Variants in NRG1 observed in about 807,000 individuals in gnomAD.
NRG1 encodes the protein pro-neuregulin-1, membrane-bound isoform.
Under a neutral mutation model 63.8 loss-of-function variants are expected in NRG1, and 18 were observed. The ratio of observed to expected loss-of-function variants is 0.28; its 90% CI spans 0.19 to 0.42. NRG1 has a LOEUF of 0.42. Ranked by LOEUF, NRG1 falls within the 10% of genes least tolerant of loss-of-function variation. The pLI is 1.00. For missense variants in NRG1, 762 were observed against 814.7 expected (o/e 0.94, Z 0.79); for synonymous variants, 302 against 301.3 (o/e 1.00, Z -0.02).
intron 1 of NRG1, among the ~76,000 whole-genome samples, chr8:32,585,048 G>C (rs1250408276): frequency 6.6e-6 from 1 of 152,098 alleles, no homozygotes; most frequent in African/African-American, 2.4e-5. Context: ...ATGTTAATGT[G>C]CTAACTTTAC....
At chr8:32,158,232 C>G (rs1172142918) in intron 1 of NRG1, among the ~76,000 whole-genome samples, 7 of 151,802 alleles carry the variant, frequency 4.6e-5, no homozygotes, top group Non-Finnish European at 8.8e-5. Flanking sequence ...GTTACCCCTT[C>G]ACAACTAGGG....
intron 1 of NRG1, among the ~76,000 whole-genome samples, chr8:32,348,860 G>A (rs1399277814): frequency 6.6e-6 from 1 of 152,166 alleles, no homozygotes; most frequent in Non-Finnish European, 1.5e-5. Context: ...TTCTGAAGGT[G>A]ATTCATATGG....
intron 1 of NRG1, among the ~76,000 whole-genome samples, chr8:32,062,950 T>C (rs1160092437): frequency 6.6e-6 from 1 of 152,092 alleles, no homozygotes; most frequent in Non-Finnish European, 1.5e-5. Context: ...TTTCCTTATT[T>C]AATATCTGGA....
chr8:32,459,105 C>CAT (rs1392724419), intron 1 of NRG1, among the ~76,000 whole-genome samples: 1 of 152,212 alleles, frequency 6.6e-6, no homozygotes, highest in East Asian at 1.9e-4. Flanking sequence ...CTGACTTCTG[C>CAT]ATATGGCTGT....
chr8:31,880,607 C>T (rs1286806212), intron 1 of NRG1, among the ~76,000 whole-genome samples: 2 of 152,164 alleles, frequency 1.3e-5, no homozygotes, highest in Non-Finnish European at 2.9e-5. Context: ...TTCAATAAAA[C>T]AGACTATTAC....
At chr8:32,508,800 A>G (rs892742299) in intron 1 of NRG1, among the ~76,000 whole-genome samples, 2 of 151,718 alleles carry the variant, frequency 1.3e-5, no homozygotes, top group Admixed American at 1.3e-4. Flanking sequence ...CAGTGGGGCA[A>G]TCTTGGGTCA....
intron 1 of NRG1, among the ~76,000 whole-genome samples, chr8:32,066,618 G>A (rs1471294868): frequency 6.6e-6 from 1 of 152,120 alleles, no homozygotes; most frequent in African/African-American, 2.4e-5. Context: ...AAGTCAGGTA[G>A]CATGATGCCT....
At chr8:32,297,549 A>G (rs979248191) in intron 1 of NRG1, among the ~76,000 whole-genome samples, 3 of 152,102 alleles carry the variant, frequency 2.0e-5, no homozygotes, top group African/African-American at 7.2e-5. Context: ...CTTTCCTTGG[A>G]CCCTTTCCAG....
intron 1 of NRG1, among the ~76,000 whole-genome samples, chr8:31,854,607 T>C (rs1244605804): frequency 2.0e-5 from 3 of 152,080 alleles, no homozygotes; most frequent in Non-Finnish European, 4.4e-5. Context: ...GTGTCTCTAT[T>C]TCCTTCAGTT....
chr8:32,198,906 T>C (rs1014773788), intron 1 of NRG1, among the ~76,000 whole-genome samples: 10 of 151,772 alleles, frequency 6.6e-5, no homozygotes, highest in Non-Finnish European at 1.0e-4. Flanking sequence ...ATCTTATTTA[T>C]ATGTCTTATT....
intron 1 of NRG1, among the ~76,000 whole-genome samples, chr8:32,318,422 C>A (rs1375490799): frequency 6.6e-6 from 1 of 152,078 alleles, no homozygotes; most frequent in Non-Finnish European, 1.5e-5. Context: ...CTGTTCAGCC[C>A]CTTGGAGCCA....
At chr8:32,598,614 A>T (rs905922051) in intron 2 of NRG1, among the ~76,000 whole-genome samples, 2 of 152,170 alleles carry the variant, frequency 1.3e-5, no homozygotes, top group African/African-American at 2.4e-5. Context: ...CTTGCTGGAA[A>T]GAATTAAATG....
At chr8:31,945,971 C>T (rs1476739560) in intron 1 of NRG1, among the ~76,000 whole-genome samples, 1 of 152,194 alleles carries the variant, frequency 6.6e-6, no homozygotes, top group East Asian at 1.9e-4. Flanking sequence ...AGAAGACCTT[C>T]TGCAGACATC....
chr8:31,640,396 G>C lies in NRG1; in HGVS notation c.37+965G>C. Reference sequence around the variant, plus strand: ...CGAGGAGCCGCTGCTCGCCGCCAACGGGACCGTGCCCTCTTGGCCCACCGC... The same window carrying C: ...CGAGGAGCCGCTGCTCGCCGCCAACCGGACCGTGCCCTCTTGGCCCACCGC... On this transcript the variant is annotated intron_variant, in intron 1 of 10. Coordinates refer to the NRG1 transcript ENST00000519301. This position sits in a 1 kb window ranked among gnomAD's most constrained non-coding sequence, Gnocchi z 6.3. 4 of 1,396,614 alleles carry C rather than the reference G, an allele frequency of 2.9e-6. No homozygotes were observed. The highest frequency in any genetic ancestry group is 3.7e-6 in the Non-Finnish European group (4 of 1,069,600). 86.5% of individuals were successfully genotyped at this position (1,396,614 alleles called of 1,614,324 possible).
At chr8:31,760,277 G>A (rs1817397883) in intron 1 of NRG1, among the ~76,000 whole-genome samples, 1 of 152,112 alleles carries the variant, frequency 6.6e-6, no homozygotes, top group Non-Finnish European at 1.5e-5. Context: ...TGGCTAGCCA[G>A]TTTTCCCAGC....
intron 1 of NRG1, among the ~76,000 whole-genome samples, chr8:31,663,511 T>C (rs1445188933): frequency 6.6e-6 from 1 of 152,164 alleles, no homozygotes; most frequent in Non-Finnish European, 1.5e-5. Context: ...TATGTGTGTC[T>C]TATATTCCTG....
chr8:32,749,632 T>C, intron 7 of NRG1: 1 of 1,590,230 alleles, frequency 6.3e-7, no homozygotes, highest in African/African-American at 1.4e-5. Flanking sequence ...TTAGAGCCTA[T>C]GAGCTGAAAT....
At chr8:32,597,208 A>G (rs1843512071) in intron 2 of NRG1, among the ~76,000 whole-genome samples, 1 of 152,192 alleles carries the variant, frequency 6.6e-6, no homozygotes, top group South Asian at 2.1e-4. Flanking sequence ...ACCCCCAAGT[A>G]TGGTAACAGA....
chr8:32,356,479 C>CT (rs1175690228), intron 1 of NRG1, among the ~76,000 whole-genome samples: 1 of 123,106 alleles, frequency 8.1e-6, no homozygotes, highest in African/African-American at 3.1e-5. Context: ...TTGGGACCCC[C>CT]CCCCCACCCG....
Sources: allele counts gnomAD v4.1 joint callset (sites outside exome capture counted in the v4.1 genomes callset), GRCh38; gene constraint gnomAD v4.1.1; non-coding constraint Gnocchi (gnomAD v3.1); transcripts MANE v1.5; gene names NCBI Gene and HGNC (gene_info 2026-07-23, HGNC 2026-07-21).